Variants in FMNL2 observed in about 807,000 individuals in gnomAD.
FMNL2 encodes formin-like protein 2.
Under a neutral mutation model 130.2 loss-of-function variants are expected in FMNL2, and 51 were observed. That is an observed-to-expected ratio of 0.39 (90% confidence interval 0.31 to 0.49). FMNL2 has a LOEUF of 0.49. FMNL2 is among the 20% of genes least tolerant of loss of function. The pLI, the probability that FMNL2 is intolerant of heterozygous loss-of-function variation, is 0.85. For missense variants in FMNL2, 977 were observed against 1,316.2 expected, an observed-to-expected ratio of 0.74 and a Z score of 3.99; for synonymous variants, 465 against 467.1, an observed-to-expected ratio of 1.00 and a Z score of 0.06.
At chr2:152,445,227 C>T (rs1026266853) in intron 1 of FMNL2, among the ~76,000 whole-genome samples, 9 of 152,216 alleles carry the variant, frequency 5.9e-5, no homozygotes, top group African/African-American at 1.9e-4. Context: ...CTTCTTCTTC[C>T]ACTGTCTTCC....
chr2:152,341,648 G>C (rs1392511036), intron 1 of FMNL2, among the ~76,000 whole-genome samples: 1 of 152,154 alleles, frequency 6.6e-6, no homozygotes, highest in African/African-American at 2.4e-5. Flanking sequence ...TAACATAGTC[G>C]TGAGATGATG....
intron 9 of FMNL2, among the ~76,000 whole-genome samples, chr2:152,601,591 G>A (rs75582112): frequency 1.1e-3 from 166 of 151,328 alleles, no homozygotes; most frequent in African/African-American, 3.8e-3. Flanking sequence ...ATGAGCCACC[G>A]CGCCGGCCGA....
intron 2 of FMNL2, among the ~76,000 whole-genome samples, chr2:152,528,937 A>C (rs2105434387): frequency 6.6e-6 from 1 of 152,260 alleles, no homozygotes; most frequent in South Asian, 2.1e-4. Flanking sequence ...ACACCTGGGA[A>C]GTCTGTGGGC....
intron 1 of FMNL2, among the ~76,000 whole-genome samples, chr2:152,438,959 G>T (rs1353337694): frequency 6.6e-6 from 1 of 152,048 alleles, no homozygotes; most frequent in Non-Finnish European, 1.5e-5. Flanking sequence ...AACAAAAATG[G>T]TTTATTTGGG....
intron 1 of FMNL2, among the ~76,000 whole-genome samples, chr2:152,381,614 T>C (rs545918450): frequency 1.3e-5 from 2 of 152,356 alleles, no homozygotes; most frequent in East Asian, 3.9e-4. Flanking sequence ...TCTGAAATGA[T>C]GGTTTGTTTT....
intron 1 of FMNL2, among the ~76,000 whole-genome samples, chr2:152,443,075 G>C (rs1688137045): frequency 6.6e-6 from 1 of 152,220 alleles, no homozygotes; most frequent in African/African-American, 2.4e-5. Context: ...AAGAAATAAT[G>C]ATGGAGAAAA....
rs1697940666 is a variant in FMNL2 at position 152,599,443 on chromosome 2, G to A, written c.877-7896G>A. Among the ~76,000 whole-genome samples, 4 of 106,344 alleles carry A rather than the reference G, an allele frequency of 3.8e-5. No individual in the cohort carries two copies. The South Asian group carries it at 1.3e-3, about 34-fold the overall frequency. The allele number at this position is 106,344 out of a possible 152,430, so 69.8% of individuals were successfully genotyped here. A position where few individuals can be genotyped will look rare whatever the true frequency, so the allele number is the denominator to read the frequency against. On this transcript the variant is annotated intron_variant, in intron 9 of 25. Transcript: ENST00000288670. ...TTTTTTTTTTTTTTTTTTTTAGAGAGGTAGTAAAAAGACATTTCTCATTGA... is the reference window on the plus strand; with the variant it reads ...TTTTTTTTTTTTTTTTTTTTAGAGAAGTAGTAAAAAGACATTTCTCATTGA...
At chr2:152,445,109 C>T (rs1264420184) in intron 1 of FMNL2, among the ~76,000 whole-genome samples, 1 of 152,228 alleles carries the variant, frequency 6.6e-6, no homozygotes, top group Admixed American at 6.5e-5. Context: ...CCAGTTTGTG[C>T]TGATACTATT....
At chr2:152,369,475 T>C (rs558250252) in intron 1 of FMNL2, among the ~76,000 whole-genome samples, 28 of 152,370 alleles carry the variant, frequency 1.8e-4, no homozygotes, top group Admixed American at 3.3e-4. Flanking sequence ...ACTTGCTTGA[T>C]GCCCTGCCTT....
intron 6 of FMNL2, among the ~76,000 whole-genome samples, chr2:152,563,766 G>A (rs900740841): frequency 2.0e-5 from 3 of 151,754 alleles, no homozygotes; most frequent in African/African-American, 7.3e-5. Flanking sequence ...TCATCCTGCT[G>A]TCTCCTTCTT....
chr2:152,487,122 G>A (rs1201421338), intron 1 of FMNL2, among the ~76,000 whole-genome samples: 2 of 152,180 alleles, frequency 1.3e-5, no homozygotes, highest in Admixed American at 1.3e-4. Flanking sequence ...CAGCATAAGT[G>A]TATTAACCTC....
chr2:152,459,822 GAA>G (rs1418847290), intron 1 of FMNL2, among the ~76,000 whole-genome samples: 2 of 152,038 alleles, frequency 1.3e-5, no homozygotes, highest in Non-Finnish European at 2.9e-5. Context: ...AGCTGCAAAA[GAA>G]AAAATACATA....
intron 1 of FMNL2, among the ~76,000 whole-genome samples, chr2:152,505,513 AT>A (rs1266711303): frequency 6.6e-6 from 1 of 152,192 alleles, no homozygotes; most frequent in East Asian, 1.9e-4. Context: ...ATTTCTTTAA[AT>A]AAGGAAACCC....
At position 152,593,860 on chromosome 2, in the gene FMNL2, AGTGTGTGTGTGT is replaced by A. The variant is rs70974873; in HGVS notation, c.876+12843_876+12854del. 8.6e-4 allele frequency among the ~76,000 whole-genome samples: 97 copies of A among 113,322 alleles called. 1 individual carries two copies. The highest frequency in any genetic ancestry group is 3.0e-3 in the African/African-American group (86 of 28,546). 74.3% of individuals were successfully genotyped at this position (113,322 alleles called of 152,430 possible). On this transcript the variant is annotated intron_variant, in intron 9 of 25. Coordinates refer to ENST00000288670, the MANE Select transcript of FMNL2 (RefSeq NM_052905.4). Reference sequence around the variant, plus strand: ...TAGGGAGAGAGAGAGAGAGAGAGAGAGTGTGTGTGTGTGTGTGTGTGTGTGTGTGTGTGTGTG... The same window carrying A: ...TAGGGAGAGAGAGAGAGAGAGAGAGAGTGTGTGTGTGTGTGTGTGTGTGTG...
At chr2:152,359,041 C>G (rs1374737475) in intron 1 of FMNL2, among the ~76,000 whole-genome samples, 1 of 152,106 alleles carries the variant, frequency 6.6e-6, no homozygotes, top group Non-Finnish European at 1.5e-5. Context: ...TTTTTAGTAC[C>G]TACATGGCAC....
chr2:152,505,868 G>C (rs919692470), intron 1 of FMNL2, among the ~76,000 whole-genome samples: 1 of 152,202 alleles, frequency 6.6e-6, no homozygotes, highest in African/African-American at 2.4e-5. Flanking sequence ...AAATCAGGGC[G>C]GCCATATAAT....
intron 1 of FMNL2, among the ~76,000 whole-genome samples, chr2:152,359,663 G>T (rs745876175): frequency 3.3e-5 from 5 of 151,998 alleles, no homozygotes; most frequent in African/African-American, 1.2e-4. Context: ...TGGTGGGAGA[G>T]ATTCTTAGTA....
chr2:152,461,424 T>G (rs1056919046), intron 1 of FMNL2, among the ~76,000 whole-genome samples: 1 of 152,218 alleles, frequency 6.6e-6, no homozygotes, highest in African/African-American at 2.4e-5. Flanking sequence ...CATCTCAATT[T>G]GATGTTGAAT....
chr2:152,640,668 G>A (rs777008461), intron 24 of FMNL2, 123 bp from the exon 25 acceptor site: 3 of 1,196,826 alleles, frequency 2.5e-6, no homozygotes, highest in Non-Finnish European at 3.4e-6. Context: ...GCAGAATGTG[G>A]GATGTGTGTG....
Sources: allele counts gnomAD v4.1 joint callset (sites outside exome capture counted in the v4.1 genomes callset), GRCh38; gene constraint gnomAD v4.1.1; transcripts MANE v1.5; gene names NCBI Gene and HGNC (gene_info 2026-07-23, HGNC 2026-07-21).